DOCK2: variants seen among roughly 807,000 people sequenced by gnomAD.
The protein encoded by DOCK2 is dedicator of cytokinesis 2.
A neutral mutation model predicts 248.9 loss-of-function variants in DOCK2; 87 were observed. The ratio of observed to expected loss-of-function variants is 0.35; its 90% CI spans 0.29 to 0.42. DOCK2 has a LOEUF of 0.42. DOCK2 is among the 10% of genes least tolerant of loss of function. The probability of loss-of-function intolerance (pLI) is 1.00; values close to 1 mark genes in which losing one functional copy is unlikely to be tolerated. For synonymous variants in DOCK2, 805 were observed against 821.6 expected, an observed-to-expected ratio of 0.98 and a Z score of 0.35; for missense variants, 1,747 against 2,300.2, an observed-to-expected ratio of 0.76 and a Z score of 4.92.
chr5:169,933,911 A>G (rs1466339209), intron 27 of DOCK2, among the ~76,000 whole-genome samples: 1 of 152,192 alleles, frequency 6.6e-6, no homozygotes, highest in South Asian at 2.1e-4. Context: ...TGAACAAACT[A>G]CTGGTGTCGC....
At chr5:169,646,388 A>T (rs1757473491) in intron 1 of DOCK2, among the ~76,000 whole-genome samples, 1 of 152,188 alleles carries the variant, frequency 6.6e-6, no homozygotes, top group South Asian at 2.1e-4. Context: ...CCCTAAGAAA[A>T]ATAACTTCTG....
At chr5:170,061,137 AT>A (rs1757313872) in intron 44 of DOCK2, among the ~76,000 whole-genome samples, 1 of 151,930 alleles carries the variant, frequency 6.6e-6, no homozygotes, top group African/African-American at 2.4e-5. Context: ...ACACTTTTAC[AT>A]TTTTTTCCAA....
chr5:169,843,570 G>T (rs942230802), intron 27 of DOCK2, among the ~76,000 whole-genome samples: 1 of 152,170 alleles, frequency 6.6e-6, no homozygotes, highest in Non-Finnish European at 1.5e-5. Flanking sequence ...TTGAAGTATA[G>T]TTTATACACT....
intron 27 of DOCK2, among the ~76,000 whole-genome samples, chr5:169,953,866 T>C (rs1776763919): frequency 6.6e-6 from 1 of 152,240 alleles, no homozygotes; most frequent in Non-Finnish European, 1.5e-5. Context: ...TGCCACTTAC[T>C]TGTTCCGAGT....
rs1399492344 is a variant in DOCK2 at position 169,961,976 on chromosome 5, C to CT, written c.2800-21092_2800-21091insT. On this transcript the variant is annotated intron_variant, in intron 27 of 51. Transcript: ENST00000520908. ...CCTGGGTGAAAAAGTGAGACTCTGT[C>CT]CCAAAAAAAAAAAAAAAAATGGAGA... 7.3e-3 allele frequency among the ~76,000 whole-genome samples: 96 copies of CT among 13,172 alleles called. 20 individuals carry two copies. The African/African-American group carries it at 0.18, about 24-fold the overall frequency. The allele number at this position is 13,172 out of a possible 152,430, so 8.6% of individuals were successfully genotyped here. A position where few individuals can be genotyped will look rare whatever the true frequency, so the allele number is the denominator to read the frequency against.
chr5:169,805,599 G>A (rs1767310579), intron 26 of DOCK2, among the ~76,000 whole-genome samples: 1 of 152,230 alleles, frequency 6.6e-6, no homozygotes. Context: ...GATGGCCCCA[G>A]TTCACAGTTA....
intron 26 of DOCK2, among the ~76,000 whole-genome samples, chr5:169,828,708 A>C (rs1769031803): frequency 6.6e-6 from 1 of 152,230 alleles, no homozygotes; most frequent in South Asian, 2.1e-4. Flanking sequence ...GGACAGTTGA[A>C]GAAATCTGTG....
At chr5:170,066,276 A>G (rs1050609531) in intron 44 of DOCK2, among the ~76,000 whole-genome samples, 4 of 151,932 alleles carry the variant, frequency 2.6e-5, no homozygotes, top group Non-Finnish European at 4.4e-5. Flanking sequence ...TAGACTTTAA[A>G]TGAAAAACTG....
rs765282663 is a variant in DOCK2, at chr5:169,718,706, G to A, written c.2182G>A (p.Glu728Lys). Residue 728 changes from glutamate (E) to lysine (K), a missense_variant, in exon 22 of 52, where the codon GAG (glutamate) becomes AAG (lysine). Transcript: ENST00000520908. ...TTACTTGGATACCTCCAGCAGAGGG[G>A]AGCAATGTGAGCCAATCCTAAGAAC... The part of the protein sequence containing the change: ...KTYLDTSSRG[E>K]QCEPILRTLK... 7.4e-6 allele frequency: 12 copies of A among 1,613,878 alleles called. No homozygotes were observed. The South Asian group carries it at 1.2e-4, about 16-fold the overall frequency.
At chr5:169,654,611 A>G (rs1256612876) in intron 2 of DOCK2, 125 bp downstream of exon 2, 2 of 871,062 alleles carry the variant, frequency 2.3e-6, no homozygotes, top group East Asian at 5.4e-5. Flanking sequence ...CGTTTTGGTA[A>G]CGCTAGTAAT....
At chr5:169,834,994 A>G (rs1769472084) in intron 26 of DOCK2, among the ~76,000 whole-genome samples, 1 of 152,192 alleles carries the variant, frequency 6.6e-6, no homozygotes, top group Non-Finnish European at 1.5e-5. Context: ...TAAAAAAACT[A>G]AACATTCAGA....
At chr5:170,032,478 T>C (rs960426736) in intron 34 of DOCK2, among the ~76,000 whole-genome samples, 1 of 152,200 alleles carries the variant, frequency 6.6e-6, no homozygotes, top group Non-Finnish European at 1.5e-5. Context: ...GATTCTATCA[T>C]GTGACCAGGG....
chr5:169,760,935 T>C (rs1206388956), intron 24 of DOCK2, among the ~76,000 whole-genome samples: 2 of 152,218 alleles, frequency 1.3e-5, no homozygotes, highest in East Asian at 3.8e-4. Flanking sequence ...GTATTTTGAT[T>C]CTCACCCTAT....
At chr5:169,759,207 A>G (rs983116826) in intron 23 of DOCK2, among the ~76,000 whole-genome samples, 3 of 152,232 alleles carry the variant, frequency 2.0e-5, no homozygotes, top group Non-Finnish European at 4.4e-5. Flanking sequence ...AATATGAATA[A>G]CTTGTCACCA....
chr5:169,774,170 AC>A (rs1165084774), intron 25 of DOCK2, among the ~76,000 whole-genome samples: 15 of 152,200 alleles, frequency 9.9e-5, no homozygotes, highest in Non-Finnish European at 2.2e-4. Flanking sequence ...AGACGACAAT[AC>A]AGTTGAATTG....
rs142836915 is a variant in DOCK2, at chr5:170,077,895, C to G, written c.4994+58C>G. On this transcript the variant is annotated intron_variant, in intron 48 of 51. Transcript: ENST00000520908. ...CCCCTGCCTCCCTGGCTCTATCCCC[C>G]CTCCTTCTCTCTCTTCTCCGGCAAC... is the stretch of plus-strand genomic sequence containing the variant. 6.4e-4 allele frequency: 909 copies of G among 1,411,460 alleles called. 4 individuals carry two copies. The African/African-American group carries it at 0.011, about 18-fold the overall frequency. The allele number at this position is 1,411,460 out of a possible 1,614,324, so 87.4% of individuals were successfully genotyped here.
At chr5:170,066,400 A>G (rs531778316) in intron 44 of DOCK2, among the ~76,000 whole-genome samples, 2 of 152,250 alleles carry the variant, frequency 1.3e-5, no homozygotes, top group South Asian at 4.1e-4. Flanking sequence ...GCACCTAAAT[A>G]TATAAAGTAG....
Position 170,079,086 on chromosome 5 carries a change from A to G in DOCK2, c.5106A>G (p.Thr1702=). The G allele has an allele frequency of 6.2e-7, 1 of 1,614,160 alleles. No homozygotes were observed. Among genetic ancestry groups the G allele is most frequent in the Non-Finnish European group, 8.5e-7 (1 of 1,180,040 alleles). ...EVKLRRSKKR[T]KRSSVVFADE... is the part of the protein sequence containing the mutation. ...AGCTGCGGAGGTCCAAGAAGAGGAC[A>G]AAGAGAAGCAGCGTAGTTTTTGCGG... Residue 1702 remains threonine, a synonymous_variant, in exon 49 of 52, where the codon ACA becomes ACG. Transcript: ENST00000520908.
intron 36 of DOCK2, among the ~76,000 whole-genome samples, chr5:170,037,731 C>A (rs998791368): frequency 2.6e-5 from 4 of 152,140 alleles, no homozygotes; most frequent in Non-Finnish European, 5.9e-5. Context: ...GGTGATCCAC[C>A]CACCTTGGCC....
Sources: gnomAD v4.1 joint callset for allele counts (sites outside exome capture counted in the v4.1 genomes callset) on GRCh38, gnomAD v4.1.1 for gene constraint, MANE v1.5 for transcripts, NCBI Gene and HGNC (gene_info 2026-07-23, HGNC 2026-07-21) for gene names.